RNF214: variants seen among roughly 807,000 people sequenced by gnomAD.
RNF214 encodes the protein ring finger protein 214.
Under a neutral mutation model 75.9 loss-of-function variants are expected in RNF214, and 25 were observed. That is an observed-to-expected ratio of 0.33 (90% CI 0.24 to 0.46). RNF214 has a LOEUF of 0.46. Among genes scored for constraint, RNF214 ranks in the 20% least tolerant of loss-of-function variants. The pLI, the probability that RNF214 is intolerant of heterozygous loss-of-function variation, is 1.00. For synonymous variants in RNF214, 314 were observed against 308.8 expected (o/e 1.02, Z -0.18); for missense variants, 725 against 857.5 (o/e 0.85, Z 1.93).
chr11:117,251,041 A>G lies in RNF214; in HGVS notation c.959+4093A>G, dbSNP rs375752809. The stretch of plus-strand genomic sequence containing the variant: ...TTCTACACAGACACGGCAACCATCC[A>G]ATTTCTCAATCTTTTCCCCACCTTT... On this transcript the variant is annotated intron_variant, in intron 6 of 14. Coordinates refer to ENST00000300650, the MANE Select transcript of RNF214 (RefSeq NM_207343.4). 8.7e-4 allele frequency among the ~76,000 whole-genome samples: 128 copies of G among 146,490 alleles called. 1 individual carries two copies. The highest frequency in any genetic ancestry group is 1.5e-3 in the Non-Finnish European group (99 of 66,446).
intron 1 of RNF214, among the ~76,000 whole-genome samples, chr11:117,233,787 GT>G (rs1450509707): frequency 1.3e-5 from 2 of 152,182 alleles, no homozygotes; most frequent in African/African-American, 2.4e-5. Flanking sequence ...TGCATTACTT[GT>G]TGACTTACAG....
At chr11:117,280,031 A>G in intron 7 of RNF214, 27 bp downstream of exon 7, 2 of 1,582,796 alleles carry the variant, frequency 1.3e-6, no homozygotes, top group Non-Finnish European at 1.7e-6. Context: ...ATATCTTGAA[A>G]GTCTTAGTTT....
In RNF214 at chr11:117,239,143, A is replaced by T. The variant is rs547169207; in HGVS notation, c.618+32A>T. 3.3e-5 allele frequency: 51 copies of T among 1,558,026 alleles called. No homozygotes were observed. The African/African-American group carries it at 6.5e-4, about 20-fold the overall frequency. ...TGTCAAGTTTCTACTACTAAAATGT[A>T]ATTGGGGGGTGGTGGGGTTCAGGGT... On this transcript the variant is annotated intron_variant, in intron 3 of 14. Transcript: ENST00000300650.
chr11:117,248,837 C>G (rs893283991), intron 6 of RNF214, among the ~76,000 whole-genome samples: 2 of 152,164 alleles, frequency 1.3e-5, no homozygotes, highest in African/African-American at 4.8e-5. Flanking sequence ...AGCAACTTAA[C>G]AGGAGATATT....
chr11:117,244,144 G>C (rs2134364198), intron 4 of RNF214, among the ~76,000 whole-genome samples: 1 of 152,164 alleles, frequency 6.6e-6, no homozygotes, highest in Non-Finnish European at 1.5e-5. Flanking sequence ...GGCATGCCCA[G>C]CTAATTTTTG....
Position 117,282,729 on chromosome 11 carries a change from A to C in RNF214, c.1846-17A>C. The C allele has an allele frequency of 6.2e-7, 1 of 1,607,348 alleles. No homozygotes were observed. Among genetic ancestry groups the C allele is most frequent in the Non-Finnish European group, 8.5e-7 (1 of 1,173,912 alleles). On this transcript the variant is annotated splice_polypyrimidine_tract_variant and intron_variant, in intron 12 of 14. Coordinates refer to ENST00000300650, the MANE Select transcript of RNF214 (RefSeq NM_207343.4). ...TCAGACTCTCTTCCCTTACTCTGACAATGTTTCTACCTACAGCCACTTGGT... is the reference window on the plus strand; with the variant it reads ...TCAGACTCTCTTCCCTTACTCTGACCATGTTTCTACCTACAGCCACTTGGT...
At chr11:117,240,012 G>A (rs2033027065) in intron 4 of RNF214, 152 bp downstream of exon 4, 1 of 584,948 alleles carries the variant, frequency 1.7e-6, no homozygotes, top group South Asian at 2.1e-5. Flanking sequence ...TCCAAAGATG[G>A]GAAGCTTACT....
chr11:117,281,538 G>A (rs536677127), intron 9 of RNF214, 62 bp from the exon 10 acceptor site: 1 of 1,434,172 alleles, frequency 7.0e-7, no homozygotes, highest in Non-Finnish European at 9.8e-7. Context: ...ATAATGGATG[G>A]TGCTGTCTTT....
chr11:117,279,857 A>C (rs1317276859), intron 6 of RNF214, 51 bp from the exon 7 acceptor site: 5 of 1,455,124 alleles, frequency 3.4e-6, no homozygotes, highest in Admixed American at 2.1e-5. Context: ...GGTATCTCTC[A>C]ACAAGCTTAT....
chr11:117,272,563 C>T (rs554273629), intron 6 of RNF214, among the ~76,000 whole-genome samples: 1 of 151,832 alleles, frequency 6.6e-6, no homozygotes, highest in African/African-American at 2.4e-5. Context: ...ATGTAACAAA[C>T]CTACATATTC....
chr11:117,266,282 C>G (rs1309501278), intron 6 of RNF214, among the ~76,000 whole-genome samples: 2 of 152,130 alleles, frequency 1.3e-5, no homozygotes, highest in Admixed American at 6.6e-5. Context: ...TTTCTTTGTA[C>G]TTTTCCTGTT....
At chr11:117,247,619 G>A (rs938787248) in intron 6 of RNF214, among the ~76,000 whole-genome samples, 29 of 152,040 alleles carry the variant, frequency 1.9e-4, no homozygotes, top group African/African-American at 4.3e-4. Context: ...TTGGGAGGCC[G>A]AGGCAGGTGG....
chr11:117,247,724 A>G (rs1418394346), intron 6 of RNF214, among the ~76,000 whole-genome samples: 1 of 151,880 alleles, frequency 6.6e-6, no homozygotes, highest in East Asian at 1.9e-4. Flanking sequence ...GGCGGCGTGC[A>G]CCTGTAGTCT....
chr11:117,253,681 A>C (rs577101310), intron 6 of RNF214, among the ~76,000 whole-genome samples: 10 of 152,226 alleles, frequency 6.6e-5, no homozygotes, highest in African/African-American at 2.4e-4. Context: ...ATCTCTATAA[A>C]AAATAAATAA....
At chr11:117,257,443 A>G (rs578183368) in intron 6 of RNF214, among the ~76,000 whole-genome samples, 3 of 152,380 alleles carry the variant, frequency 2.0e-5, no homozygotes, top group African/African-American at 4.8e-5. Flanking sequence ...AAAGTAAAAA[A>G]TAACATCACC....
intron 6 of RNF214, among the ~76,000 whole-genome samples, chr11:117,250,015 A>C (rs2033329194): frequency 6.6e-6 from 1 of 152,240 alleles, no homozygotes; most frequent in East Asian, 1.9e-4. Context: ...ACTATGAGCC[A>C]GACAGTAGGG....
intron 6 of RNF214, among the ~76,000 whole-genome samples, chr11:117,278,318 C>G (rs1258115213): frequency 6.6e-6 from 1 of 152,074 alleles, no homozygotes; most frequent in African/African-American, 2.4e-5. Context: ...CAAAACAAAA[C>G]ATGTAACTCT....
intron 2 of RNF214, among the ~76,000 whole-genome samples, chr11:117,235,482 C>T (rs891756574): frequency 6.8e-6 from 1 of 147,818 alleles, no homozygotes; most frequent in African/African-American, 2.5e-5. Flanking sequence ...AGGCGTGAGT[C>T]ACCACGCCCA....
intron 6 of RNF214, among the ~76,000 whole-genome samples, chr11:117,268,831 C>T (rs1252609493): frequency 6.6e-6 from 1 of 152,088 alleles, no homozygotes; most frequent in Non-Finnish European, 1.5e-5. Context: ...TGGAAGAGCG[C>T]TCTTTTTCTT....
Sources: gnomAD v4.1 joint callset for allele counts (sites outside exome capture counted in the v4.1 genomes callset) on GRCh38, gnomAD v4.1.1 for gene constraint, MANE v1.5 for transcripts, NCBI Gene and HGNC (gene_info 2026-07-23, HGNC 2026-07-21) for gene names.